The following PBRM1 variants were observed in gnomAD, a reference collection of about 807,000 sequenced individuals.
PBRM1 encodes the protein protein polybromo-1.
A neutral mutation model predicts 194.5 loss-of-function variants in PBRM1; 27 were observed. That is an observed-to-expected ratio of 0.14 (90% CI 0.10 to 0.19). The LOEUF (loss-of-function observed/expected upper bound fraction) is 0.19, where lower values mean the gene tolerates loss of function less well. PBRM1 is among the 10% of genes least tolerant of loss of function. The pLI is 1.00. For synonymous variants in PBRM1, 655 were observed against 693.2 expected (o/e 0.94, Z 0.87); for missense variants, 1,466 against 2,077.2 (o/e 0.71, Z 5.72).
At chr3:52,672,112 G>A (rs971700778) in intron 2 of PBRM1, among the ~76,000 whole-genome samples, 2 of 152,196 alleles carry the variant, frequency 1.3e-5, no homozygotes, top group Non-Finnish European at 2.9e-5. Flanking sequence ...GGATGTTCTA[G>A]TACGGAGCAT....
At chr3:52,657,305 T>C (rs2096625129) in intron 5 of PBRM1, among the ~76,000 whole-genome samples, 1 of 152,014 alleles carries the variant, frequency 6.6e-6, no homozygotes, top group South Asian at 2.1e-4. Flanking sequence ...ATGATACATA[T>C]CCTTTACCAC....
intron 2 of PBRM1, 55 bp downstream of exon 3, chr3:52,678,445 C>T (rs184655122): frequency 2.7e-5 from 31 of 1,145,132 alleles, no homozygotes; most frequent in Admixed American, 2.1e-4. Flanking sequence ...CACTTTAATA[C>T]ACATGGACTC....
intron 1 of PBRM1, 143 bp downstream of exon 2, chr3:52,679,428 CATA>C (rs772666080): frequency 3.1e-5 from 21 of 677,206 alleles, no homozygotes; most frequent in Non-Finnish European, 5.3e-5. Context: ...TAGCTGAATA[CATA>C]ATGTTCATAA....
chr3:52,667,900 A>G (rs1469356876), intron 3 of PBRM1, among the ~76,000 whole-genome samples: 1 of 152,126 alleles, frequency 6.6e-6, no homozygotes, highest in East Asian at 1.9e-4. Context: ...TCTCTAAAAA[A>G]AAAAAGAAAA....
chr3:52,557,288 C>A (rs141485908), intron 26 of PBRM1, among the ~76,000 whole-genome samples: 71 of 152,280 alleles, frequency 4.7e-4, no homozygotes, highest in East Asian at 2.1e-3. Context: ...AAGTTAGGAG[C>A]GACAATGGAA....
intron 13 of PBRM1, among the ~76,000 whole-genome samples, chr3:52,619,808 T>A (rs2095182628): frequency 6.6e-6 from 1 of 152,188 alleles, no homozygotes; most frequent in Non-Finnish European, 1.5e-5. Context: ...TAAACATCTA[T>A]CCTTAAGATT....
At chr3:52,565,171 C>A (rs1190599365) in intron 22 of PBRM1, among the ~76,000 whole-genome samples, 1 of 151,510 alleles carries the variant, frequency 6.6e-6, no homozygotes, top group Non-Finnish European at 1.5e-5. Context: ...TGCACTCCAG[C>A]CTGAGCGAAA....
chr3:52,586,836 T>G (rs1397313578), intron 19 of PBRM1, 148 bp from the exon 22 acceptor site: 2 of 608,228 alleles, frequency 3.3e-6, no homozygotes, highest in Admixed American at 3.1e-5. Context: ...CAAAAAATAA[T>G]AAATGACCAG....
chr3:52,602,688 T>C (rs1322897386), intron 17 of PBRM1, among the ~76,000 whole-genome samples: 1 of 152,344 alleles, frequency 6.6e-6, no homozygotes, highest in Non-Finnish European at 1.5e-5. Flanking sequence ...ACCCCACACA[T>C]ATATATTCAC....
intron 5 of PBRM1, among the ~76,000 whole-genome samples, chr3:52,657,190 T>A (rs1289651730): frequency 1.3e-5 from 2 of 152,176 alleles, no homozygotes; most frequent in Non-Finnish European, 2.9e-5. Flanking sequence ...GTTTTGGTTT[T>A]GTAAGACTAA....
At chr3:52,601,904 G>A (rs1050727480) in intron 17 of PBRM1, among the ~76,000 whole-genome samples, 2 of 152,182 alleles carry the variant, frequency 1.3e-5, no homozygotes, top group Non-Finnish European at 2.9e-5. Context: ...TATGATAGGT[G>A]AGCTAGTACC....
At chr3:52,554,796 G>A in exon 27 of PBRM1, 10 of 1,592,566 alleles carry the variant, frequency 6.3e-6, no homozygotes, top group Non-Finnish European at 7.7e-6. Context: ...CCAGGGTGAA[G>A]TGGCTGCATG....
chr3:52,553,804 G>A (rs907034062), intron 27 of PBRM1, among the ~76,000 whole-genome samples: 1 of 151,902 alleles, frequency 6.6e-6, no homozygotes, highest in African/African-American at 2.4e-5. Flanking sequence ...TGGGACTACA[G>A]GTGCCCGCCA....
intron 22 of PBRM1, among the ~76,000 whole-genome samples, chr3:52,566,268 G>A (rs2085190816): frequency 6.6e-6 from 1 of 152,024 alleles, no homozygotes; most frequent in South Asian, 2.1e-4. Flanking sequence ...AGCTGCTGTG[G>A]AAAATATTTA....
intron 17 of PBRM1, among the ~76,000 whole-genome samples, chr3:52,598,564 A>G (rs2093738615): frequency 6.6e-6 from 1 of 152,226 alleles, no homozygotes; most frequent in Non-Finnish European, 1.5e-5. Flanking sequence ...TTGGATGAAT[A>G]TACCACTTTT....
intron 13 of PBRM1, among the ~76,000 whole-genome samples, chr3:52,623,146 G>A (rs1220801792): frequency 6.6e-6 from 1 of 152,116 alleles, no homozygotes; most frequent in Non-Finnish European, 1.5e-5. Context: ...GGCACAGCCC[G>A]GCACAGTGAT....
rs989254030 is a variant in PBRM1, at chr3:52,661,439, T to A, written c.528+694A>T. Among the ~76,000 whole-genome samples, 4 of 152,174 alleles carry A rather than the reference T, an allele frequency of 2.6e-5. No individual in the cohort carries two copies. In the East Asian group the frequency reaches 7.7e-4, roughly 29 times the overall value. On this transcript the variant is annotated intron_variant, in intron 4 of 29. Transcript: ENST00000296302. ...ACCTGCTTAGGAGCTATCATTCTAC[T>A]TGGGGAAAGAGAGAAAAACATGTAA...
At chr3:52,571,404 G>C (rs2087146151) in intron 22 of PBRM1, among the ~76,000 whole-genome samples, 1 of 151,064 alleles carries the variant, frequency 6.6e-6, no homozygotes, top group Non-Finnish European at 1.5e-5. Context: ...GAGGAAGGTG[G>C]ATCACGAGGT....
intron 17 of PBRM1, among the ~76,000 whole-genome samples, chr3:52,591,039 G>A (rs1422697529): frequency 2.0e-5 from 3 of 152,136 alleles, no homozygotes; most frequent in Non-Finnish European, 2.9e-5. Context: ...ATGACAATGC[G>A]TTCCTGATCT....
Sources: allele counts gnomAD v4.1 joint callset (sites outside exome capture counted in the v4.1 genomes callset), GRCh38; gene constraint gnomAD v4.1.1; transcripts MANE v1.5; gene names NCBI Gene and HGNC (gene_info 2026-07-23, HGNC 2026-07-21).